Variants in RCSD1 observed in about 807,000 individuals in gnomAD.
The protein encoded by RCSD1 is capZ-interacting protein.
Under a neutral mutation model 42.5 loss-of-function variants are expected in RCSD1, and 26 were observed. The observed-to-expected ratio is 0.61, with a 90% confidence interval of 0.45 to 0.85. The LOEUF (loss-of-function observed/expected upper bound fraction) is 0.85. Among genes scored for constraint, RCSD1 ranks in the 40% least tolerant of loss-of-function variants. The pLI is 0.00. For missense variants in RCSD1, 571 were observed against 528.3 expected, an observed-to-expected ratio of 1.08 and a Z score of -0.79; for synonymous variants, 220 against 212.2, an observed-to-expected ratio of 1.04 and a Z score of -0.32.
chr1:167,683,496 T>C (rs746933422), intron 1 of RCSD1, among the ~76,000 whole-genome samples: 1 of 152,184 alleles, frequency 6.6e-6, no homozygotes, highest in Non-Finnish European at 1.5e-5. Context: ...AAGACACATA[T>C]ATATGTGTTT....
chr1:167,635,095 T>C (rs1199577462), intron 1 of RCSD1, among the ~76,000 whole-genome samples: 36 of 152,174 alleles, frequency 2.4e-4, no homozygotes, highest in Admixed American at 1.9e-3. Context: ...AAGAGAAACA[T>C]GTAACGAATC....
intron 1 of RCSD1, among the ~76,000 whole-genome samples, chr1:167,677,477 G>C (rs28627727): frequency 4.6e-5 from 7 of 152,102 alleles, no homozygotes; most frequent in African/African-American, 1.7e-4. Flanking sequence ...TGTGCCTTTC[G>C]CCAAAGATGA....
intron 1 of RCSD1, among the ~76,000 whole-genome samples, chr1:167,679,496 T>C (rs1659028582): frequency 6.6e-6 from 1 of 152,236 alleles, no homozygotes; most frequent in Non-Finnish European, 1.5e-5. Flanking sequence ...AGAGAGATTC[T>C]ATGGTGGTCT....
rs186770736 is a variant in RCSD1 at position 167,654,196 on chromosome 1, T to C, written c.6+23767T>C. ...GTGTTACTGTTTGGTGAAAGGGCCA[T>C]GTACACAAAGTGGCTCCCAAATGCA... On this transcript the variant is annotated intron_variant, in intron 1 of 6. Transcript: ENST00000367854. 1.2e-4 allele frequency among the ~76,000 whole-genome samples: 19 copies of C among 152,308 alleles called. No homozygotes were observed. In the East Asian group the frequency reaches 3.1e-3, roughly 25 times the overall value.
chr1:167,679,967 G>A (rs1297435459), intron 1 of RCSD1, among the ~76,000 whole-genome samples: 1 of 152,154 alleles, frequency 6.6e-6, no homozygotes, highest in Non-Finnish European at 1.5e-5. Context: ...TCAGTTCTCG[G>A]AAGAAAGTCC....
At position 167,697,712 on chromosome 1, in the gene RCSD1, A is replaced by C; in HGVS notation, c.1088A>C (p.Lys363Thr). Reference protein sequence around the residue: ...PGGVKGGDVPKQEKGKEKQQE... With the variant: ...PGGVKGGDVPTQEKGKEKQQE... ...GGAGTGAAGGGCGGAGATGTCCCCA[A>C]GCAGGAAAAAGGCAAGGAAAAACAA... Residue 363 changes from lysine to threonine, a missense_variant, in exon 6 of 7, where the codon AAG (lysine) becomes ACG (threonine). Transcript: ENST00000367854. 6.3e-7 allele frequency: 1 copy of C among 1,595,528 alleles called. No individual in the cohort carries two copies. Among genetic ancestry groups the C allele is most frequent in the Non-Finnish European group, 8.5e-7 (1 of 1,172,020 alleles).
intron 1 of RCSD1, among the ~76,000 whole-genome samples, chr1:167,645,980 G>A (rs1449960447): frequency 6.6e-6 from 1 of 152,194 alleles, no homozygotes; most frequent in Non-Finnish European, 1.5e-5. Context: ...TACCAGTTGA[G>A]AGGCCAAGGC....
At chr1:167,663,242 G>A (rs546368482) in intron 1 of RCSD1, among the ~76,000 whole-genome samples, 2 of 152,344 alleles carry the variant, frequency 1.3e-5, no homozygotes, top group East Asian at 3.9e-4. Context: ...ACCCACAGAA[G>A]CCTTTGAGAG....
intron 1 of RCSD1, among the ~76,000 whole-genome samples, chr1:167,661,754 T>A (rs10918735): frequency 0.028 from 4,278 of 152,350 alleles, 205 homozygotes; most frequent in African/African-American, 0.098. Context: ...AGGAGCAGAT[T>A]GGCCAGTATC....
At chr1:167,647,931 T>A (rs1347577351) in intron 1 of RCSD1, among the ~76,000 whole-genome samples, 3 of 152,224 alleles carry the variant, frequency 2.0e-5, no homozygotes, top group Non-Finnish European at 2.9e-5. Context: ...TCTTTTTCTT[T>A]TTTTTGTTCC....
chr1:167,696,089 G>C (rs559541715), intron 5 of RCSD1, among the ~76,000 whole-genome samples: 1 of 152,000 alleles, frequency 6.6e-6, no homozygotes, highest in South Asian at 2.1e-4. Flanking sequence ...GGGCAGGAAG[G>C]ACAGAGTTAG....
At chr1:167,668,427 C>A (rs1258512758) in intron 1 of RCSD1, among the ~76,000 whole-genome samples, 1 of 152,142 alleles carries the variant, frequency 6.6e-6, no homozygotes, top group African/African-American at 2.4e-5. Context: ...ACTAACCCTC[C>A]TTACCCCTCA....
At chr1:167,677,002 G>A (rs1437936729) in intron 1 of RCSD1, among the ~76,000 whole-genome samples, 1 of 152,232 alleles carries the variant, frequency 6.6e-6, no homozygotes, top group Admixed American at 6.5e-5. Context: ...GGAGCCAGTT[G>A]CAGAGACCAA....
intron 1 of RCSD1, among the ~76,000 whole-genome samples, chr1:167,678,546 T>C (rs993520390): frequency 1.3e-5 from 2 of 151,760 alleles, no homozygotes; most frequent in African/African-American, 2.4e-5. Flanking sequence ...TCAAATCCCA[T>C]CCCCCTGCAC....
At chr1:167,672,267 TCTCAGAA>T (rs1459008856) in intron 1 of RCSD1, among the ~76,000 whole-genome samples, 3 of 152,332 alleles carry the variant, frequency 2.0e-5, no homozygotes, top group African/African-American at 4.8e-5. Context: ...CCCACTATGT[TCTCAGAA>T]CTCAGAACAC....
chr1:167,661,408 A>C (rs1363938199), intron 1 of RCSD1, among the ~76,000 whole-genome samples: 1 of 152,266 alleles, frequency 6.6e-6, no homozygotes, highest in Non-Finnish European at 1.5e-5. Flanking sequence ...GATCGCAGAC[A>C]GACAAGCATG....
chr1:167,668,970 T>C (rs1488884518), intron 1 of RCSD1, among the ~76,000 whole-genome samples: 1 of 152,254 alleles, frequency 6.6e-6, no homozygotes, highest in Non-Finnish European at 1.5e-5. Flanking sequence ...GATTTGTGAA[T>C]TCAGTAATTT....
intron 1 of RCSD1, among the ~76,000 whole-genome samples, chr1:167,683,640 C>T (rs1175489688): frequency 6.6e-6 from 1 of 152,156 alleles, no homozygotes; most frequent in Non-Finnish European, 1.5e-5. Context: ...TCTGACATCC[C>T]AGGGCACCCC....
chr1:167,702,642 G>T (rs1376320856), intron 6 of RCSD1, among the ~76,000 whole-genome samples: 3 of 152,184 alleles, frequency 2.0e-5, no homozygotes, highest in East Asian at 1.9e-4. Context: ...AGCCAGGGGT[G>T]GTGGCGTGTG....
Sources: allele counts gnomAD v4.1 joint callset (sites outside exome capture counted in the v4.1 genomes callset), GRCh38; gene constraint gnomAD v4.1.1; transcripts MANE v1.5; gene names NCBI Gene and HGNC (gene_info 2026-07-23, HGNC 2026-07-21).